The following C22orf15 variants were observed in gnomAD, a reference collection of about 807,000 sequenced individuals.
The protein encoded by C22orf15 is uncharacterized protein C22orf15.
A neutral mutation model predicts 20.3 loss-of-function variants in C22orf15; 21 were observed. The observed-to-expected ratio is 1.04, with a 90% CI of 0.74 to 1.49. The LOEUF (loss-of-function observed/expected upper bound fraction) is 1.49. C22orf15 is among the 40% of genes most tolerant of loss of function. C22orf15 has a pLI of 0.00. For synonymous variants in C22orf15, 78 were observed against 75.4 expected (o/e 1.03, Z -0.18); for missense variants, 170 against 191.1 (o/e 0.89, Z 0.65).
intron 3 of C22orf15, 39 bp from the exon 4 acceptor site, chr22:23,764,600 C>G (rs760231662): frequency 1.4e-5 from 22 of 1,604,568 alleles, no homozygotes; most frequent in Non-Finnish European, 1.8e-5. Context: ...GACCATTAGG[C>G]CAGTCAGGTG....
rs1385237444 is a variant in C22orf15 at position 23,764,717 on chromosome 22, A to G, written c.325+4A>G. 6.2e-7 allele frequency: 1 copy of G among 1,614,136 alleles called. No homozygotes were observed. The highest frequency in any genetic ancestry group is 8.5e-7 in the Non-Finnish European group (1 of 1,180,010). On this transcript the variant is annotated splice_donor_region_variant and intron_variant, in intron 4 of 5. Transcript: ENST00000402217. ...GACCATTACCCAGAGCTGGCAGGTG[A>G]GTGTCAGGGTACAGCCCAGGGGGAG...
At position 23,764,299 on chromosome 22, in the gene C22orf15, G is replaced by A; in HGVS notation, c.152G>A (p.Ser51Asn). 7 of 1,551,662 alleles carry A rather than the reference G, an allele frequency of 4.5e-6. No individual in the cohort carries two copies. Among genetic ancestry groups the A allele is most frequent in the Non-Finnish European group, 6.1e-6 (7 of 1,146,980 alleles). ...CTGGCTGAGGATGGCAACCTAGTGA[G>A]CCTGGAGGAGGACCTGAAGGAAGGG... ...ALLAEDGNLVSLEEDLKEGAS... is the reference protein window; with the variant it reads ...ALLAEDGNLVNLEEDLKEGAS... Residue 51 changes from serine to asparagine, a missense_variant, in exon 3 of 6, where the codon AGC (serine) becomes AAC (asparagine). Transcript: ENST00000402217.
rs745392134 is a variant in C22orf15, at chr22:23,764,893, G to A, written c.426G>A (p.Arg142=). 1.9e-6 allele frequency: 3 copies of A among 1,610,656 alleles called. No homozygotes were observed. Among genetic ancestry groups the A allele is most frequent in the Non-Finnish European group, 2.5e-6 (3 of 1,178,078 alleles). ...GCCATGAGCAAAGCCCCACTTCAAG[G>A]CCCAGAAAGGTGAGCTCCCTGCCAC... ...RGRHEQSPTS[R]PRKGPD The change falls in exon 5 of 6, where the codon AGG becomes AGA. Residue 142 remains arginine, a synonymous_variant. Transcript: ENST00000402217.
intron 5 of C22orf15, chr22:23,765,487 AC>A (rs1926641700): frequency 6.4e-7 from 1 of 1,550,628 alleles, no homozygotes; most frequent in African/African-American, 1.4e-5. Flanking sequence ...CGCCAGGGGC[AC>A]CTAAGCTGTG....
At position 23,764,685 on chromosome 22, in the gene C22orf15, C is replaced by G. The variant is rs543669757; in HGVS notation, c.297C>G (p.Asn99Lys). Residue 99 changes from asparagine to lysine, a missense_variant, in exon 4 of 6, where the codon AAC (asparagine) becomes AAG (lysine). Transcript: ENST00000402217. ...ASTRYESLLE[N>K]LDDHYPELAE... ...CCCGCTATGAGTCCCTATTGGAGAACCTGGATGACCATTACCCAGAGCTGG... is the reference window on the plus strand; with the variant it reads ...CCCGCTATGAGTCCCTATTGGAGAAGCTGGATGACCATTACCCAGAGCTGG... 8 of 1,614,048 alleles carry G rather than the reference C, an allele frequency of 5.0e-6. No individual in the cohort carries two copies. The highest frequency in any genetic ancestry group is 6.8e-6 in the Non-Finnish European group (8 of 1,180,034).
intron 1 of C22orf15, among the ~76,000 whole-genome samples, chr22:23,763,647 G>C (rs545823629): frequency 9.2e-5 from 14 of 152,372 alleles, no homozygotes; most frequent in Admixed American, 7.8e-4. Context: ...TCAAGCTTCA[G>C]CGTGCATCAG....
intron 2 of C22orf15, 33 bp downstream of exon 2, chr22:23,764,206 G>A: frequency 6.4e-7 from 1 of 1,551,664 alleles, no homozygotes; most frequent in South Asian, 1.2e-5. Flanking sequence ...GAGGGGCTGA[G>A]GGGTCCCAGG....
In C22orf15 at chr22:23,763,314, T is replaced by C. The variant is rs1926009920; in HGVS notation, c.8T>C (p.Ile3Thr). 1.3e-6 allele frequency: 2 copies of C among 1,549,942 alleles called. No individual in the cohort carries two copies. Among genetic ancestry groups the C allele is most frequent in the African/African-American group, 2.7e-5 (2 of 72,978 alleles). MF[I>T]KVMFGAGCSV... is the part of the protein sequence containing the mutation. ...CCCTCACCCGCTGCAGCTATGTTTA[T>C]CAAGGTGATGTTTGGGGGTAAGTGG... The change falls in exon 1 of 6, where the codon ATC becomes ACC. Residue 3 changes from isoleucine to threonine, a missense_variant. Ile to Thr is a moderately conservative substitution (Grantham distance 89). Transcript: ENST00000402217.
intron 1 of C22orf15, among the ~76,000 whole-genome samples, chr22:23,763,563 G>T (rs1289970572): frequency 2.6e-5 from 4 of 152,354 alleles, no homozygotes; most frequent in Non-Finnish European, 5.9e-5. Flanking sequence ...GGTTCCTCTC[G>T]GCCAGAGACC....
intron 5 of C22orf15, chr22:23,765,234 G>A: frequency 1.4e-6 from 2 of 1,467,202 alleles, no homozygotes; most frequent in Non-Finnish European, 1.8e-6. Flanking sequence ...GCAGCATGGT[G>A]TGTGATGGCA....
rs946648648 is a variant in C22orf15 at position 23,765,072 on chromosome 22, AAC to A, written c.435+175_435+176del. 4.1e-5 allele frequency: 59 copies of A among 1,455,478 alleles called. No individual in the cohort carries two copies. In the African/African-American group the frequency reaches 8.1e-4, roughly 20 times the overall value. 90.2% of individuals were successfully genotyped at this position (1,455,478 alleles called of 1,614,324 possible). On this transcript the variant is annotated intron_variant, in intron 5 of 5. Coordinates refer to ENST00000402217, the MANE Select transcript of C22orf15 (RefSeq NM_182520.3). ...TCCACGCACATATACCCCCAGATGG[AAC>A]ACACTGTACCCTGAGACAGGTCCCC...
At chr22:23,765,051 C>T (rs1926533912) in intron 5 of C22orf15, 149 bp downstream of exon 5, 9 of 1,479,616 alleles carry the variant, frequency 6.1e-6, no homozygotes, top group Middle Eastern at 1.8e-4. Context: ...ACCAACTCCA[C>T]GCACATATAC....
chr22:23,764,031 C>G (rs1926184911), intron 1 of C22orf15, 56 bp from the exon 2 acceptor site: 1 of 1,516,426 alleles, frequency 6.6e-7, no homozygotes, highest in Non-Finnish European at 8.9e-7. Flanking sequence ...GACAGAGGAC[C>G]CCGATTTGGA....
At chr22:23,763,941 T>C (rs1183954312) in intron 1 of C22orf15, 146 bp from the exon 2 acceptor site, 5 of 715,122 alleles carry the variant, frequency 7.0e-6, no homozygotes, top group Non-Finnish European at 1.2e-5. Flanking sequence ...GCAACAGATG[T>C]TGGAGCTGTT....
intron 5 of C22orf15, 31 bp from the exon 6 acceptor site, chr22:23,765,690 G>A: frequency 6.5e-7 from 1 of 1,545,174 alleles, no homozygotes; most frequent in Non-Finnish European, 8.7e-7. Flanking sequence ...CCACAGTGCA[G>A]ATTGCAACAG....
rs771520535 is a variant in C22orf15, at chr22:23,763,296, C to G, written c.-11C>G. ...TCAAAGCCCCCCACATCTCCCTCAC[C>G]CGCTGCAGCTATGTTTATCAAGGTG... On this transcript the variant is annotated 5_prime_UTR_variant, in exon 1 of 6. Transcript: ENST00000402217. 2 of 1,550,364 alleles carry G rather than the reference C, an allele frequency of 1.3e-6. No homozygotes were observed. Among genetic ancestry groups the G allele is most frequent in the African/African-American group, 2.7e-5 (2 of 73,104 alleles).
Position 23,763,276 on chromosome 22 carries a change from GC to G in C22orf15, c.-25del. 1.9e-6 allele frequency: 3 copies of G among 1,549,792 alleles called. No homozygotes were observed. Among genetic ancestry groups the G allele is most frequent in the Non-Finnish European group, 2.6e-6 (3 of 1,146,482 alleles). ...GGGAATCGAGAGTTGGGGGATCAAA[GC>G]CCCCCACATCTCCCTCACCCGCTGC... On this transcript the variant is annotated 5_prime_UTR_variant, in exon 1 of 6. Transcript: ENST00000402217.
At chr22:23,763,399 C>A in intron 1 of C22orf15, 68 bp downstream of exon 1, 2 of 1,486,570 alleles carry the variant, frequency 1.3e-6, no homozygotes, top group East Asian at 2.7e-5. Context: ...TGCTTCCTTC[C>A]GCCCTTGCGG....
chr22:23,763,582 A>G (rs963189987), intron 1 of C22orf15, among the ~76,000 whole-genome samples: 2 of 152,242 alleles, frequency 1.3e-5, no homozygotes, highest in Non-Finnish European at 2.9e-5. Context: ...CCGCCGCATT[A>G]CCCTGGAGCA....
Sources: allele counts gnomAD v4.1 joint callset (sites outside exome capture counted in the v4.1 genomes callset), GRCh38; gene constraint gnomAD v4.1.1; transcripts MANE v1.5; gene names NCBI Gene and HGNC (gene_info 2026-07-23, HGNC 2026-07-21).